Variants in NMNAT1 observed in about 807,000 individuals in gnomAD.
NMNAT1 encodes the protein nicotinamide nucleotide adenylyltransferase 1.
NMNAT1 carries 11 observed loss-of-function variants against 16.7 expected under a neutral mutation model. The observed-to-expected ratio is 0.66, with a 90% confidence interval of 0.41 to 1.09. NMNAT1 has a LOEUF of 1.09. NMNAT1 is among the 50% of genes least tolerant of loss of function. NMNAT1 has a pLI of 0.00. For missense variants in NMNAT1, 280 were observed against 332.3 expected, an observed-to-expected ratio of 0.84 and a Z score of 1.22; for synonymous variants, 110 against 119.8, an observed-to-expected ratio of 0.92 and a Z score of 0.53.
At position 9,953,300 on chromosome 1, in the gene NMNAT1, C is replaced by T. The variant is rs1378573049; in HGVS notation, c.-57+9785C>T. 1.1e-4 allele frequency among the ~76,000 whole-genome samples: 15 copies of T among 138,744 alleles called. No individual in the cohort carries two copies. In the South Asian group the frequency reaches 3.4e-3, roughly 32 times the overall value. 91.0% of individuals were successfully genotyped at this position (138,744 alleles called of 152,430 possible). ...GGGCTTTTTTTTTTTTTTTTTGAGACGGAGTCTTGCTCTGTTGCCAGGCTG... is the reference window on the plus strand; with the variant it reads ...GGGCTTTTTTTTTTTTTTTTTGAGATGGAGTCTTGCTCTGTTGCCAGGCTG... On this transcript the variant is annotated intron_variant, in intron 1 of 4. Coordinates refer to ENST00000377205, the MANE Select transcript of NMNAT1 (RefSeq NM_022787.4).
intron 3 of NMNAT1, among the ~76,000 whole-genome samples, chr1:9,978,792 T>G (rs961664930): frequency 6.6e-6 from 1 of 152,176 alleles, no homozygotes; most frequent in Non-Finnish European, 1.5e-5. Context: ...TGGGTAACAT[T>G]GCACAGTTTG....
chr1:9,972,065 G>C lies in NMNAT1; in HGVS notation c.-9G>C, dbSNP rs1471533276. The C allele has an allele frequency of 2.7e-6, 4 of 1,486,134 alleles. No individual in the cohort carries two copies. Among genetic ancestry groups the C allele is most frequent in the Non-Finnish European group, 3.8e-6 (4 of 1,063,922 alleles). The allele number at this position is 1,486,134 out of a possible 1,614,324, so 92.1% of individuals were successfully genotyped here. ...TTTCCATTTAGATCAACAACTTCAAGTTCTTACCATGGAAAATTCCGAGAA... is the reference window on the plus strand; with the variant it reads ...TTTCCATTTAGATCAACAACTTCAACTTCTTACCATGGAAAATTCCGAGAA... On this transcript the variant is annotated 5_prime_UTR_variant, in exon 2 of 5. Transcript: ENST00000377205.
rs553509708 is a variant in NMNAT1 at position 9,983,288 on chromosome 1, C to T, written c.*587C>T. The T allele has an allele frequency of 7.5e-6, 1 of 133,586 alleles. No individual in the cohort carries two copies. Among genetic ancestry groups the T allele is most frequent in the Non-Finnish European group, 1.6e-5 (1 of 61,898 alleles). 8.3% of individuals were successfully genotyped at this position (133,586 alleles called of 1,614,324 possible). A position where few individuals can be genotyped will look rare whatever the true frequency, so the allele number is the denominator to read the frequency against. ...GAGAATCGCTTGAACCCGGGAGGCA[C>T]AGGTTCCAGTGAGCCAAGGTTGTGC... On this transcript the variant is annotated 3_prime_UTR_variant, in exon 5 of 5. Transcript: ENST00000377205.
intron 3 of NMNAT1, among the ~76,000 whole-genome samples, chr1:9,979,224 T>G (rs887473828): frequency 6.6e-6 from 1 of 152,108 alleles, no homozygotes; most frequent in Admixed American, 6.6e-5. Context: ...TCCCAGCACT[T>G]TGGGAGTCTG....
intron 1 of NMNAT1, among the ~76,000 whole-genome samples, chr1:9,949,396 A>G (rs943460464): frequency 2.0e-5 from 3 of 147,100 alleles, no homozygotes; most frequent in African/African-American, 7.3e-5. Flanking sequence ...TTTTTACTCT[A>G]AAATCTTCCA....
intron 1 of NMNAT1, among the ~76,000 whole-genome samples, chr1:9,958,300 G>C (rs1239603017): frequency 1.3e-5 from 2 of 152,068 alleles, no homozygotes; most frequent in African/African-American, 4.8e-5. Flanking sequence ...AGTAGAGATG[G>C]TGTTTCTGAT....
chr1:9,979,700 G>C (rs1641894163), intron 3 of NMNAT1, among the ~76,000 whole-genome samples: 1 of 151,378 alleles, frequency 6.6e-6, no homozygotes, highest in African/African-American at 2.4e-5. Flanking sequence ...TACTCGGGAG[G>C]CTGAAGCAGG....
intron 1 of NMNAT1, among the ~76,000 whole-genome samples, chr1:9,954,791 T>C (rs568787873): frequency 1.1e-4 from 16 of 150,664 alleles, no homozygotes; most frequent in African/African-American, 3.9e-4. Context: ...ATTAGGTTCG[T>C]GTGGTGGCGC....
intron 1 of NMNAT1, among the ~76,000 whole-genome samples, chr1:9,944,040 G>A (rs1357822434): frequency 6.6e-6 from 1 of 151,824 alleles, no homozygotes; most frequent in Non-Finnish European, 1.5e-5. Context: ...GGATCACGAG[G>A]TCAGGAGTTC....
chr1:9,970,111 G>C (rs921866538), intron 1 of NMNAT1, among the ~76,000 whole-genome samples: 2 of 152,296 alleles, frequency 1.3e-5, no homozygotes, highest in Middle Eastern at 3.4e-3. Flanking sequence ...ACATAGTCTG[G>C]AGATAAACTA....
the NMNAT1 span, among the ~76,000 whole-genome samples, chr1:9,994,582 C>A: frequency 6.6e-6 from 1 of 151,060 alleles, no homozygotes; most frequent in Non-Finnish European, 1.5e-5. Flanking sequence ...AGGTGCCCGC[C>A]ACCATGCCTG....
At chr1:9,963,621 C>T (rs148678573) in intron 1 of NMNAT1, among the ~76,000 whole-genome samples, 3 of 151,846 alleles carry the variant, frequency 2.0e-5, no homozygotes, top group Non-Finnish European at 4.4e-5. Context: ...GTTGGCCAGG[C>T]TGGTCTCGAA....
chr1:9,950,933 A>G (rs990410792), intron 1 of NMNAT1, among the ~76,000 whole-genome samples: 2 of 152,060 alleles, frequency 1.3e-5, no homozygotes, highest in African/African-American at 4.8e-5. Flanking sequence ...TACTAAAAAT[A>G]CCAAAATTAT....
chr1:9,982,401 C>G lies in NMNAT1; in HGVS notation c.540C>G (p.Asn180Lys), dbSNP rs775258164. The G allele has an allele frequency of 6.2e-7, 1 of 1,614,122 alleles. No homozygotes were observed. Residue 180 changes from asparagine (N) to lysine (K), a missense_variant, in exon 5 of 5, where the codon AAC becomes AAG. Coordinates refer to ENST00000377205, the MANE Select transcript of NMNAT1 (RefSeq NM_022787.4). ...KSEDITQIVA[N>K]YGLICVTRAG... ...AAGACATCACCCAAATCGTGGCCAA[C>G]TATGGGCTCATATGTGTTACTCGGG...
chr1:9,968,537 C>G (rs1254696190), intron 1 of NMNAT1, among the ~76,000 whole-genome samples: 3 of 51,252 alleles, frequency 5.9e-5, no homozygotes, highest in African/African-American at 1.2e-4. Context: ...GAGGCCGAGG[C>G]AGGTGGATCA....
chr1:9,987,600 A>G (rs1642061513), downstream of NMNAT1, among the ~76,000 whole-genome samples: 1 of 152,108 alleles, frequency 6.6e-6, no homozygotes, highest in African/African-American at 2.4e-5. Context: ...AGATTGTGCC[A>G]CTGCACTACA....
At chr1:9,965,790 C>T (rs1445565465) in intron 1 of NMNAT1, among the ~76,000 whole-genome samples, 2 of 151,616 alleles carry the variant, frequency 1.3e-5, no homozygotes, top group East Asian at 1.9e-4. Context: ...AATCTGAGAC[C>T]CACCTTGACA....
At position 9,982,694 on chromosome 1, in the gene NMNAT1, A is replaced by C. The variant is rs1033480343; in HGVS notation, c.833A>C (p.Lys278Thr). The C allele has an allele frequency of 1.9e-6, 3 of 1,601,910 alleles. No homozygotes were observed. The highest frequency in any genetic ancestry group is 1.1e-5 in the South Asian group (1 of 89,536). The change falls in exon 5 of 5, where the codon AAG (lysine) becomes ACG (threonine). Residue 278 changes from lysine to threonine, a missense_variant. Coordinates refer to ENST00000377205, the MANE Select transcript of NMNAT1 (RefSeq NM_022787.4). ...APLQRNTAEA[K>T]T ...TTGCAGAGAAACACTGCAGAAGCTA[A>C]GACATAGGAATTCTACAGCATGATA...
At chr1:9,966,222 C>T (rs918421247) in intron 1 of NMNAT1, among the ~76,000 whole-genome samples, 7 of 151,980 alleles carry the variant, frequency 4.6e-5, no homozygotes, top group African/African-American at 1.7e-4. Flanking sequence ...TCACTGTAAC[C>T]TGGGAGGCAG....
Sources: allele counts gnomAD v4.1 joint callset (sites outside exome capture counted in the v4.1 genomes callset), GRCh38; gene constraint gnomAD v4.1.1; transcripts MANE v1.5; gene names NCBI Gene and HGNC (gene_info 2026-07-23, HGNC 2026-07-21).